ABCA13: variants seen among roughly 807,000 people sequenced by gnomAD.
The protein encoded by ABCA13 is ATP-binding cassette sub-family A member 13.
In ABCA13, 476 loss-of-function variants were observed where a neutral mutation model predicts 478.7. The ratio of observed to expected loss-of-function variants is 0.99; its 90% CI spans 0.92 to 1.07. The LOEUF (loss-of-function observed/expected upper bound fraction) is 1.07, where lower values mean the gene tolerates loss of function less well. Ranked by LOEUF, ABCA13 falls within the 50% of genes least tolerant of loss-of-function variation. ABCA13 has a pLI of 0.00. For missense variants in ABCA13, 6,060 were observed against 5,910.6 expected (o/e 1.03, Z -0.83); for synonymous variants, 2,252 against 2,158.9 (o/e 1.04, Z -1.20).
intron 32 of ABCA13, among the ~76,000 whole-genome samples, chr7:48,371,859 C>G (rs1812682526): frequency 6.6e-6 from 1 of 152,146 alleles, no homozygotes; most frequent in African/African-American, 2.4e-5. Context: ...GCATCCTTGT[C>G]CTGTGCCAGT....
At chr7:48,606,476 C>T (rs1403572473) in intron 58 of ABCA13, among the ~76,000 whole-genome samples, 1 of 152,196 alleles carries the variant, frequency 6.6e-6, no homozygotes, top group Non-Finnish European at 1.5e-5. Flanking sequence ...TCAGGCCCCT[C>T]TGCTGCAGGT....
At chr7:48,548,779 T>G (rs1215032092) in intron 55 of ABCA13, among the ~76,000 whole-genome samples, 1 of 151,748 alleles carries the variant, frequency 6.6e-6, no homozygotes, top group East Asian at 1.9e-4. Flanking sequence ...ATGTGCAGGT[T>G]CCCTCATGCC....
At chr7:48,236,153 A>G (rs530654579) in intron 8 of ABCA13, among the ~76,000 whole-genome samples, 64 of 152,256 alleles carry the variant, frequency 4.2e-4, no homozygotes, top group African/African-American at 1.5e-3. Flanking sequence ...ATCTATACAA[A>G]GGAAAGGGGG....
chr7:48,466,782 T>C (rs879246772), intron 43 of ABCA13, among the ~76,000 whole-genome samples, 174 bp from the exon 44 acceptor site: 1 of 152,228 alleles, frequency 6.6e-6, no homozygotes, highest in South Asian at 2.1e-4. Flanking sequence ...TTTTATTGCT[T>C]GTTTGGCATT....
intron 42 of ABCA13, among the ~76,000 whole-genome samples, chr7:48,446,057 A>G (rs898585299): frequency 6.6e-6 from 1 of 152,160 alleles, no homozygotes; most frequent in Admixed American, 6.5e-5. Flanking sequence ...GGTCCCACTG[A>G]TGTACCATTG....
At chr7:48,572,401 C>T (rs1222688270) in intron 55 of ABCA13, among the ~76,000 whole-genome samples, 1 of 152,106 alleles carries the variant, frequency 6.6e-6, no homozygotes, top group Non-Finnish European at 1.5e-5. Context: ...TCACCACAGC[C>T]TCAAACATCT....
At position 48,646,554 on chromosome 7, in the gene ABCA13, C is replaced by CT. The variant is rs1795447441; in HGVS notation, c.*1043dup. ...TTTTTTTTTGAGGCGGAGTCTCGCT[C>CT]TGTCACCCAGGCTGGAGTGCAGTGG... is the stretch of plus-strand genomic sequence containing the variant. On this transcript the variant is annotated 3_prime_UTR_variant, in exon 62 of 62. Transcript: ENST00000435803. 6.6e-6 allele frequency: 1 copy of CT among 151,724 alleles called. No individual in the cohort carries two copies. The highest frequency in any genetic ancestry group is 2.4e-5 in the African/African-American group (1 of 41,288). 9.4% of individuals were successfully genotyped at this position (151,724 alleles called of 1,614,324 possible).
rs527804719 is a variant in ABCA13, at chr7:48,232,844, G to C, written c.764-1174G>C. On this transcript the variant is annotated intron_variant, in intron 7 of 61. Coordinates refer to ENST00000435803, the MANE Select transcript of ABCA13 (RefSeq NM_152701.5). ...TAATAGTTACAGCTCAGCTTTGGAAGCCAGATCATTTGGGTTTGAATCAGA... is the reference window on the plus strand; with the variant it reads ...TAATAGTTACAGCTCAGCTTTGGAACCCAGATCATTTGGGTTTGAATCAGA... 1.3e-3 allele frequency among the ~76,000 whole-genome samples: 193 copies of C among 152,282 alleles called. 2 individuals are homozygous for C. The highest frequency in any genetic ancestry group is 4.3e-3 in the African/African-American group (178 of 41,556).
At chr7:48,236,815 G>A (rs895417795) in intron 8 of ABCA13, among the ~76,000 whole-genome samples, 1 of 152,080 alleles carries the variant, frequency 6.6e-6, no homozygotes, top group Non-Finnish European at 1.5e-5. Context: ...TGGACATCTT[G>A]GGGGAACATT....
intron 38 of ABCA13, among the ~76,000 whole-genome samples, chr7:48,397,912 C>T (rs533241448): frequency 5.3e-5 from 8 of 152,282 alleles, no homozygotes; most frequent in Admixed American, 2.0e-4. Flanking sequence ...TTTTGTCCCC[C>T]GCTCAGCATT....
At chr7:48,237,589 C>T (rs776429537) in intron 8 of ABCA13, among the ~76,000 whole-genome samples, 32 of 152,226 alleles carry the variant, frequency 2.1e-4, no homozygotes, top group Admixed American at 3.9e-4. Flanking sequence ...CCCTTTCCAT[C>T]TGCATCAGCC....
chr7:48,315,407 A>G (rs780805551), intron 26 of ABCA13, among the ~76,000 whole-genome samples: 4 of 152,182 alleles, frequency 2.6e-5, no homozygotes, highest in South Asian at 2.1e-4. Flanking sequence ...CTTGCAATGT[A>G]AAGAGTAGGT....
At position 48,352,203 on chromosome 7, in the gene ABCA13, A is replaced by C. The variant is rs765408893; in HGVS notation, c.10404A>C (p.Leu3468Phe). The part of the protein sequence containing the change: ...FLASIIFSNS[L>F]FDKNFRSESV... ...TAGGTATCATTTTCAGCAATTCCTT[A>C]TTCGACAAGAACTTCAGATCAGAGT... The change falls in exon 31 of 62, where the codon TTA becomes TTC. Residue 3468 changes from leucine (L) to phenylalanine (F), a missense_variant. Transcript: ENST00000435803. The C allele has an allele frequency of 1.1e-5, 17 of 1,605,994 alleles. No individual in the cohort carries two copies. The highest frequency in any genetic ancestry group is 1.4e-5 in the Non-Finnish European group (17 of 1,174,828).
chr7:48,359,743 A>G (rs1810523534), intron 31 of ABCA13, among the ~76,000 whole-genome samples: 1 of 151,976 alleles, frequency 6.6e-6, no homozygotes, highest in Admixed American at 6.5e-5. Context: ...AAAACAAAAC[A>G]AAAAACAGAC....
intron 38 of ABCA13, among the ~76,000 whole-genome samples, chr7:48,396,082 T>C (rs1347589226): frequency 6.6e-6 from 1 of 152,260 alleles, no homozygotes; most frequent in Admixed American, 6.5e-5. Context: ...ACCAGGGCAC[T>C]GCCGGCCTGT....
rs953835560 is a variant in ABCA13 at position 48,511,301 on chromosome 7, C to G, written c.13640+102C>G. ...TGCTGTCGACTTCATGATTTCCTCT[C>G]TTTTGAAGCAATTATGTTGCTTCTG... On this transcript the variant is annotated intron_variant, in intron 51 of 61. Transcript: ENST00000435803. 4 of 945,766 alleles carry G rather than the reference C, an allele frequency of 4.2e-6. No homozygotes were observed. The African/African-American group carries it at 6.6e-5, about 16-fold the overall frequency. 58.6% of individuals were successfully genotyped at this position (945,766 alleles called of 1,614,324 possible). A position where few individuals can be genotyped will look rare whatever the true frequency, so the allele number is the denominator to read the frequency against.
At chr7:48,616,097 C>G (rs949561690) in intron 59 of ABCA13, among the ~76,000 whole-genome samples, 1 of 151,992 alleles carries the variant, frequency 6.6e-6, no homozygotes, top group Non-Finnish European at 1.5e-5. Context: ...ATAATTTATT[C>G]ATTTATGTTG....
intron 50 of ABCA13, among the ~76,000 whole-genome samples, chr7:48,509,653 C>G (rs2130890240): frequency 6.6e-6 from 1 of 152,286 alleles, no homozygotes; most frequent in East Asian, 1.9e-4. Context: ...TCCAATCATT[C>G]TCTGCTTATT....
chr7:48,442,582 G>C (rs1298797586), intron 42 of ABCA13, among the ~76,000 whole-genome samples: 2 of 152,144 alleles, frequency 1.3e-5, no homozygotes, highest in Non-Finnish European at 2.9e-5. Flanking sequence ...TAACTGCTTA[G>C]TGTAATGTTT....
Sources: allele counts gnomAD v4.1 joint callset (sites outside exome capture counted in the v4.1 genomes callset), GRCh38; gene constraint gnomAD v4.1.1; transcripts MANE v1.5; gene names NCBI Gene and HGNC (gene_info 2026-07-23, HGNC 2026-07-21).